The following FAM53B variants were observed in gnomAD, a reference collection of about 807,000 sequenced individuals.
FAM53B encodes the protein protein FAM53B.
In FAM53B, 12 loss-of-function variants were observed where a neutral mutation model predicts 32.7. That is an observed-to-expected ratio of 0.37 (90% CI 0.24 to 0.59). The LOEUF (loss-of-function observed/expected upper bound fraction) is 0.59. Ranked by LOEUF, FAM53B falls within the 20% of genes least tolerant of loss-of-function variation. The pLI is 0.72. For synonymous variants in FAM53B, 234 were observed against 228.7 expected, an observed-to-expected ratio of 1.02 and a Z score of -0.21; for missense variants, 477 against 577.7, an observed-to-expected ratio of 0.83 and a Z score of 1.79.
intron 3 of FAM53B, among the ~76,000 whole-genome samples, chr10:124,683,824 C>T (rs1731638763): frequency 1.3e-5 from 2 of 152,286 alleles, no homozygotes; most frequent in South Asian, 2.1e-4. Flanking sequence ...CATGAGTGCT[C>T]GAGGCAGCAA....
chr10:124,724,840 G>C (rs1048206203), intron 1 of FAM53B, among the ~76,000 whole-genome samples: 2 of 152,164 alleles, frequency 1.3e-5, no homozygotes, highest in Non-Finnish European at 2.9e-5. Flanking sequence ...TCAGACTCCC[G>C]AGTTACAAAT....
intron 1 of FAM53B, chr10:124,713,299 G>A (rs1398524170): frequency 6.6e-6 from 1 of 152,244 alleles, no homozygotes; most frequent in East Asian, 1.9e-4. Context: ...ACATCTAGCA[G>A]GGGCAAGACC....
Position 124,682,868 on chromosome 10 carries a change from C to T in FAM53B, c.134-489G>A, listed in dbSNP as rs1949782003. On this transcript the variant is annotated intron_variant, in intron 3 of 4. Transcript: ENST00000337318. The surrounding 1 kb of genome is among the most constrained non-coding windows in gnomAD (Gnocchi z 5.2). The stretch of plus-strand genomic sequence containing the variant: ...CACAACCAAAGATGTCTCAACAGCT[C>T]GGATGGCCAAGGCCAAAAGATGGCT... Among the ~76,000 whole-genome samples the T allele has an allele frequency of 6.6e-6, 1 of 152,218 alleles. No individual in the cohort carries two copies. The highest frequency in any genetic ancestry group is 6.5e-5 in the Admixed American group (1 of 15,278).
At position 124,733,785 on chromosome 10, in the gene FAM53B, G is replaced by A. The variant is rs1244038689; in HGVS notation, c.-175+10228C>T. Among the ~76,000 whole-genome samples, 1 of 152,216 alleles carries A rather than the reference G, an allele frequency of 6.6e-6. No individual in the cohort carries two copies. Among genetic ancestry groups the A allele is most frequent in the Non-Finnish European group, 1.5e-5 (1 of 68,036 alleles). ...AAGGTCACTCCAAGGTCAAAAGGCT[G>A]GGCCCCTGGGCAGTGTCACCCCGAA... On this transcript the variant is annotated intron_variant, in intron 1 of 4. Transcript: ENST00000337318. This position sits in a 1 kb window ranked among gnomAD's most constrained non-coding sequence, Gnocchi z 4.3.
chr10:124,664,197 C>T (rs979225169), intron 4 of FAM53B, among the ~76,000 whole-genome samples: 4 of 152,132 alleles, frequency 2.6e-5, no homozygotes, highest in Admixed American at 2.6e-4. Context: ...TCCCCTAGGG[C>T]TGGCCCCCAG....
intron 1 of FAM53B, among the ~76,000 whole-genome samples, chr10:124,729,027 C>T (rs1950124719): frequency 1.3e-5 from 2 of 152,210 alleles, no homozygotes; most frequent in African/African-American, 4.8e-5. Flanking sequence ...CTAGTCACCC[C>T]CAGCTGGCTG....
intron 4 of FAM53B, among the ~76,000 whole-genome samples, chr10:124,661,271 C>T (rs1045667468): frequency 6.6e-6 from 1 of 152,146 alleles, no homozygotes; most frequent in Non-Finnish European, 1.5e-5. Flanking sequence ...AGGTGTGTCG[C>T]ATCCCACACA....
rs1394125584 is a variant in FAM53B at position 124,642,887 on chromosome 10, C to T, written c.907-19283G>A. Among the ~76,000 whole-genome samples, 9 of 152,344 alleles carry T rather than the reference C, an allele frequency of 5.9e-5. 1 individual carries two copies. Among genetic ancestry groups the T allele is most frequent in the South Asian group, 4.1e-4 (2 of 4,830 alleles). ...GACTGCCTTTCTCCTTTCCGCATTACATGCACTCCTCTCCTTCCTTCTTTC... is the reference window on the plus strand; with the variant it reads ...GACTGCCTTTCTCCTTTCCGCATTATATGCACTCCTCTCCTTCCTTCTTTC... On this transcript the variant is annotated intron_variant, in intron 4 of 4. Coordinates refer to ENST00000337318, the MANE Select transcript of FAM53B (RefSeq NM_014661.4).
intron 4 of FAM53B, among the ~76,000 whole-genome samples, chr10:124,677,628 G>A (rs751499831): frequency 2.6e-5 from 4 of 152,364 alleles, no homozygotes; most frequent in Non-Finnish European, 4.4e-5. Flanking sequence ...CCAGATGGCC[G>A]GCTCACCTGC....
chr10:124,699,127 C>A (rs981535434), intron 2 of FAM53B, among the ~76,000 whole-genome samples: 2 of 152,256 alleles, frequency 1.3e-5, no homozygotes, highest in African/African-American at 4.8e-5. Flanking sequence ...CCCATCGCCT[C>A]ATTTAATGAA....
chr10:124,656,638 C>T (rs1015156787), intron 4 of FAM53B, among the ~76,000 whole-genome samples: 6 of 152,172 alleles, frequency 3.9e-5, no homozygotes, highest in Non-Finnish European at 7.3e-5. Context: ...CACGACCCTC[C>T]CGAAGGGACA....
chr10:124,642,243 T>C (rs1564865124), intron 4 of FAM53B, among the ~76,000 whole-genome samples: 1 of 152,188 alleles, frequency 6.6e-6, no homozygotes, highest in Non-Finnish European at 1.5e-5. Context: ...CAAGCTGCCA[T>C]GCCAGCAGGT....
chr10:124,709,488 T>A (rs1949985206), intron 1 of FAM53B, among the ~76,000 whole-genome samples: 1 of 152,100 alleles, frequency 6.6e-6, no homozygotes, highest in South Asian at 2.1e-4. Flanking sequence ...AAGGCAGGTG[T>A]AGCACAATCC....
chr10:124,735,508 A>T (rs188884982), intron 1 of FAM53B, among the ~76,000 whole-genome samples: 27 of 152,330 alleles, frequency 1.8e-4, no homozygotes, highest in Non-Finnish European at 1.5e-4. Context: ...CTGAGAGAGG[A>T]AGATGCTGGA....
At chr10:124,717,739 G>A (rs1173672709) in intron 1 of FAM53B, among the ~76,000 whole-genome samples, 2 of 152,166 alleles carry the variant, frequency 1.3e-5, no homozygotes, top group Non-Finnish European at 2.9e-5. Flanking sequence ...GGGGCATCTT[G>A]GTGTCTTTCA....
chr10:124,700,911 G>A (rs993599866), intron 2 of FAM53B, among the ~76,000 whole-genome samples: 2 of 152,212 alleles, frequency 1.3e-5, no homozygotes, highest in Non-Finnish European at 2.9e-5. Flanking sequence ...ATGCAACCCC[G>A]CGAGACCGTG....
intron 1 of FAM53B, among the ~76,000 whole-genome samples, chr10:124,707,608 G>A (rs896599867): frequency 8.5e-5 from 13 of 152,098 alleles, no homozygotes; most frequent in Non-Finnish European, 1.6e-4. Context: ...GCTTGGTGGC[G>A]TGCACCTATA....
intron 4 of FAM53B, among the ~76,000 whole-genome samples, chr10:124,624,614 G>GGCCTGGGGCAGGAGGCA: frequency 6.6e-6 from 1 of 152,292 alleles, no homozygotes; most frequent in Admixed American, 6.5e-5. Flanking sequence ...CTCCCAGGCT[G>GGCCTGGGGCAGGAGGCA]GCCTGGGGCA....
chr10:124,670,320 C>A (rs1399265423), intron 4 of FAM53B, among the ~76,000 whole-genome samples: 1 of 152,140 alleles, frequency 6.6e-6, no homozygotes, highest in Admixed American at 6.5e-5. Flanking sequence ...GGGCCGTCTG[C>A]GGTCGAACCC....
Sources: allele counts gnomAD v4.1 joint callset (sites outside exome capture counted in the v4.1 genomes callset), GRCh38; gene constraint gnomAD v4.1.1; non-coding constraint Gnocchi (gnomAD v3.1); transcripts MANE v1.5; gene names NCBI Gene and HGNC (gene_info 2026-07-23, HGNC 2026-07-21).